The following TJP2 variants were observed in gnomAD, a reference collection of about 807,000 sequenced individuals.
The protein encoded by TJP2 is tight junction protein 2, also known as Friedreich ataxia region gene X104 (tight junction protein ZO-2).
TJP2 carries 91 observed loss-of-function variants against 133.1 expected under a neutral mutation model. That is an observed-to-expected ratio of 0.68 (90% CI 0.58 to 0.81). The LOEUF (loss-of-function observed/expected upper bound fraction) is 0.81. TJP2 is among the 40% of genes least tolerant of loss of function. TJP2 has a pLI of 0.00. For synonymous variants in TJP2, 592 were observed against 583.4 expected (o/e 1.01, Z -0.21); for missense variants, 1,541 against 1,565.6 (o/e 0.98, Z 0.26).
chr9:69,186,246 T>G (rs10115283), intron 1 of TJP2, among the ~76,000 whole-genome samples: 64,010 of 152,010 alleles, frequency 0.42, 13,814 homozygotes, highest in East Asian at 0.63. Flanking sequence ...GACCCTACTA[T>G]TACTGCCCTA....
At chr9:69,195,669 A>G (rs972432141) in intron 1 of TJP2, among the ~76,000 whole-genome samples, 1 of 152,172 alleles carries the variant, frequency 6.6e-6, no homozygotes, top group South Asian at 2.1e-4. Flanking sequence ...ATCAGTGATG[A>G]TGTGTTTCAG....
chr9:69,130,610 G>T (rs1472018615), intron 1 of TJP2, among the ~76,000 whole-genome samples: 2 of 152,130 alleles, frequency 1.3e-5, no homozygotes. Flanking sequence ...GGAAGTGCAG[G>T]TCTGGAACTT....
intron 1 of TJP2, among the ~76,000 whole-genome samples, chr9:69,139,417 TATAAG>T (rs1822917857): frequency 6.6e-6 from 1 of 152,110 alleles, no homozygotes; most frequent in Non-Finnish European, 1.5e-5. Context: ...AATCTGTTCT[TATAAG>T]AGGAGGAAAT....
intron 1 of TJP2, chr9:69,204,916 A>C (rs1827276692): frequency 8.0e-7 from 1 of 1,242,474 alleles, no homozygotes; most frequent in Non-Finnish European, 1.0e-6. Flanking sequence ...AGGGAGAGAG[A>C]GGGAGAGAAA....
At chr9:69,205,322 C>G (rs771701293) in intron 1 of TJP2, 4 of 1,528,142 alleles carry the variant, frequency 2.6e-6, no homozygotes, top group Non-Finnish European at 3.5e-6. Context: ...ACAGTGAGTC[C>G]TTTATCCTCA....
intron 7 of TJP2, 26 bp downstream of exon 7, chr9:69,226,201 T>C (rs1829336370): frequency 1.2e-6 from 2 of 1,612,840 alleles, no homozygotes; most frequent in Non-Finnish European, 1.7e-6. Context: ...GCTGTGAGCT[T>C]AGCTGGAAGT....
chr9:69,224,598 A>G (rs547445782), intron 5 of TJP2, among the ~76,000 whole-genome samples: 15 of 152,226 alleles, frequency 9.9e-5, no homozygotes, highest in African/African-American at 3.6e-4. Flanking sequence ...AATCACTTGA[A>G]CCTGGGAGGC....
In TJP2 at chr9:69,189,874, G is replaced by A. The variant is rs758724599; in HGVS notation, c.60+15442G>A. ...TGTAATCCCAGCACTTTGGGAGGCC[G>A]AGGTGGACGGATCATGAGGTCAGGA... On this transcript the variant is annotated intron_variant, in intron 1 of 22. Transcript: ENST00000377245. Among the ~76,000 whole-genome samples, 20 of 110,530 alleles carry A rather than the reference G, an allele frequency of 1.8e-4. 6 individuals are homozygous for A. Among genetic ancestry groups the A allele is most frequent in the Non-Finnish European group, 2.6e-4 (13 of 49,380 alleles). The allele number at this position is 110,530 out of a possible 152,430, so 72.5% of individuals were successfully genotyped here.
At chr9:69,183,542 A>G (rs1258065152) in intron 1 of TJP2, among the ~76,000 whole-genome samples, 1 of 152,098 alleles carries the variant, frequency 6.6e-6, no homozygotes, top group Non-Finnish European at 1.5e-5. Flanking sequence ...GTCGTATTCC[A>G]TTTATATGCA....
chr9:69,226,270 A>C (rs1395595054), intron 7 of TJP2, 95 bp downstream of exon 7: 10 of 1,441,282 alleles, frequency 6.9e-6, no homozygotes, highest in Non-Finnish European at 5.7e-6. Context: ...CTGGAAGTTA[A>C]ATTTCTAAGG....
chr9:69,130,039 G>GA (rs1296330325), intron 1 of TJP2, among the ~76,000 whole-genome samples: 3 of 146,646 alleles, frequency 2.0e-5, no homozygotes, highest in Admixed American at 6.8e-5. Flanking sequence ...AAAAGAAAAA[G>GA]AAAAAAAAGA....
chr9:69,184,504 G>C (rs1383735135), intron 1 of TJP2, among the ~76,000 whole-genome samples: 1 of 152,138 alleles, frequency 6.6e-6, no homozygotes, highest in Non-Finnish European at 1.5e-5. Context: ...AAAAACAAAT[G>C]GCTTCTGCTT....
intron 5 of TJP2, among the ~76,000 whole-genome samples, chr9:69,222,750 C>T (rs1489803115): frequency 6.6e-6 from 1 of 152,052 alleles, no homozygotes; most frequent in Admixed American, 6.6e-5. Flanking sequence ...ACTCTCAGGC[C>T]CAACCCAGTC....
At chr9:69,176,851 T>G (rs1234537546) in intron 1 of TJP2, among the ~76,000 whole-genome samples, 1 of 152,168 alleles carries the variant, frequency 6.6e-6, no homozygotes, top group African/African-American at 2.4e-5. Context: ...GAGACACAAG[T>G]TATTGAAACT....
At chr9:69,144,862 G>GAA (rs1823148101) in intron 1 of TJP2, among the ~76,000 whole-genome samples, 1 of 152,158 alleles carries the variant, frequency 6.6e-6, no homozygotes, top group Admixed American at 6.5e-5. Flanking sequence ...TCACCCCAGG[G>GAA]AAGACTGGTT....
At chr9:69,129,318 C>T (rs1041571551) in intron 1 of TJP2, among the ~76,000 whole-genome samples, 1 of 152,040 alleles carries the variant, frequency 6.6e-6, no homozygotes, top group Admixed American at 6.6e-5. Context: ...CGAGACCAGC[C>T]TGGCCAACAT....
chr9:69,152,886 A>G (rs1002182912), intron 2 of TJP2, among the ~76,000 whole-genome samples: 1 of 114,866 alleles, frequency 8.7e-6, no homozygotes, highest in Non-Finnish European at 1.6e-5. Context: ...GCTGGAGTGC[A>G]GTGGTGCGAT....
rs73449111 is a variant in TJP2, at chr9:69,141,960, A to G, written c.-130-9691A>G. 1.7e-3 allele frequency among the ~76,000 whole-genome samples: 263 copies of G among 152,352 alleles called. 2 individuals are homozygous for G. Among genetic ancestry groups the G allele is most frequent in the African/African-American group, 6.3e-3 (260 of 41,584 alleles). ...TGTACGAATGATGGAACAGAGGTTC[A>G]GAAAGGTCAGTAACTTGTTCAAGGT... On this transcript the variant is annotated intron_variant, in intron 1 of 5. Transcript: ENST00000423935.
upstream of TJP2, among the ~76,000 whole-genome samples, chr9:69,170,178 G>A (rs774789826): frequency 2.6e-5 from 4 of 151,784 alleles, no homozygotes; most frequent in Non-Finnish European, 5.9e-5. Context: ...CTTATATATT[G>A]TAATATACAC....
Sources: gnomAD v4.1 joint callset for allele counts (sites outside exome capture counted in the v4.1 genomes callset) on GRCh38, gnomAD v4.1.1 for gene constraint, MANE v1.5 for transcripts, NCBI Gene and HGNC (gene_info 2026-07-23, HGNC 2026-07-21) for gene names.